Variants in SLIT2 observed in about 807,000 individuals in gnomAD.
The protein encoded by SLIT2 is slit guidance ligand 2, also known as slit homolog 2 protein.
SLIT2 carries 41 observed loss-of-function variants against 185.7 expected under a neutral mutation model. The observed-to-expected ratio is 0.22, with a 90% CI of 0.17 to 0.29. SLIT2 has a LOEUF of 0.29. SLIT2 is among the 10% of genes least tolerant of loss of function. The probability of loss-of-function intolerance (pLI) is 1.00; values close to 1 mark genes in which losing one functional copy is unlikely to be tolerated. For missense variants in SLIT2, 1,571 were observed against 1,909.0 expected (o/e 0.82, Z 3.30); for synonymous variants, 693 against 680.2 (o/e 1.02, Z -0.29).
chr4:20,424,719 G>C lies in SLIT2; in HGVS notation c.396-43033G>C, dbSNP rs563152489. ...GGGCATTTGTATATTTTTATAAACA[G>C]TCACAGAAGCATTTGTTAACATTCT... On this transcript the variant is annotated intron_variant, in intron 4 of 36. Transcript: ENST00000504154. 5.9e-5 allele frequency among the ~76,000 whole-genome samples: 9 copies of C among 152,198 alleles called. 1 individual carries two copies. The East Asian group carries it at 1.7e-3, about 29-fold the overall frequency.
At chr4:20,298,633 T>C (rs1716733765) in intron 4 of SLIT2, among the ~76,000 whole-genome samples, 2 of 152,176 alleles carry the variant, frequency 1.3e-5, no homozygotes, top group African/African-American at 2.4e-5. Context: ...TCTGGACTTG[T>C]TGATAAAGCT....
intron 3 of SLIT2, 137 bp from the exon 4 acceptor site, chr4:20,268,673 T>G (rs1713287653): frequency 1.5e-6 from 1 of 673,354 alleles, no homozygotes; most frequent in Non-Finnish European, 2.7e-6. Flanking sequence ...CAACTTTTGA[T>G]TTGCAATGCT....
intron 4 of SLIT2, among the ~76,000 whole-genome samples, chr4:20,340,643 C>T (rs921947476): frequency 7.2e-5 from 11 of 152,072 alleles, no homozygotes; most frequent in Non-Finnish European, 5.9e-5. Context: ...CTCTGTCCCC[C>T]GGGCTGGAGT....
intron 26 of SLIT2, among the ~76,000 whole-genome samples, chr4:20,564,523 C>A (rs1281279851): frequency 6.6e-6 from 1 of 151,834 alleles, no homozygotes; most frequent in African/African-American, 2.4e-5. Context: ...TTTTGTATTA[C>A]CCTTCACTCA....
intron 18 of SLIT2, 105 bp downstream of exon 18, chr4:20,533,820 C>A: frequency 1.1e-6 from 1 of 880,860 alleles, no homozygotes; most frequent in Non-Finnish European, 1.8e-6. Flanking sequence ...CACCCCACTC[C>A]CTCTATCTCT....
chr4:20,381,315 A>G (rs1236754041), intron 4 of SLIT2, among the ~76,000 whole-genome samples: 1 of 152,122 alleles, frequency 6.6e-6, no homozygotes, highest in Admixed American at 6.6e-5. Context: ...TTTTAAAAGC[A>G]GGCAGAGAAA....
chr4:20,385,257 T>G (rs73238771), intron 4 of SLIT2, among the ~76,000 whole-genome samples: 31,509 of 152,156 alleles, frequency 0.21, 3,625 homozygotes, highest in Non-Finnish European at 0.27. Flanking sequence ...TACTAGCATT[T>G]TATAATCTAC....
Position 20,455,698 on chromosome 4 carries a change from A to G in SLIT2, c.396-12054A>G, listed in dbSNP as rs115752031. Among the ~76,000 whole-genome samples the G allele has an allele frequency of 4.0e-3, 607 of 152,226 alleles. 8 individuals are homozygous for G. The highest frequency in any genetic ancestry group is 0.013 in the African/African-American group (556 of 41,568). On this transcript the variant is annotated intron_variant, in intron 4 of 36. Transcript: ENST00000504154. The stretch of plus-strand genomic sequence containing the variant: ...ACACAGCTTTTTTGGGGGGGTAATG[A>G]AAATGTCCTGAGATTATGGTGATGG...
intron 4 of SLIT2, among the ~76,000 whole-genome samples, chr4:20,318,922 G>A (rs901620989): frequency 6.6e-6 from 1 of 152,096 alleles, no homozygotes; most frequent in Non-Finnish European, 1.5e-5. Context: ...TATGGTGGAC[G>A]ACTAAGTTAA....
At chr4:20,449,822 A>G (rs1712269309) in intron 4 of SLIT2, among the ~76,000 whole-genome samples, 1 of 152,232 alleles carries the variant, frequency 6.6e-6, no homozygotes, top group African/African-American at 2.4e-5. Context: ...TTTATGGGGA[A>G]AACTCAAGAG....
At chr4:20,263,034 G>A (rs1218133933) in intron 3 of SLIT2, among the ~76,000 whole-genome samples, 1 of 151,704 alleles carries the variant, frequency 6.6e-6, no homozygotes, top group Non-Finnish European at 1.5e-5. Context: ...TACCTCCCCT[G>A]AAATGAGTAG....
chr4:20,541,441 T>C lies in SLIT2; in HGVS notation c.1977-12T>C. On this transcript the variant is annotated splice_polypyrimidine_tract_variant and intron_variant, in intron 19 of 36. Transcript: ENST00000504154. ...CAGGCTAAACTGTGCATCGTTTGCC[T>C]GTGGCTCTTAGAAACCTCTTGGCCA... 6.2e-7 allele frequency: 1 copy of C among 1,613,388 alleles called. No individual in the cohort carries two copies. Among genetic ancestry groups the C allele is most frequent in the Admixed American group, 1.7e-5 (1 of 60,000 alleles).
chr4:20,476,152 CAT>C (rs1374043246), intron 5 of SLIT2, among the ~76,000 whole-genome samples: 2 of 152,030 alleles, frequency 1.3e-5, no homozygotes, highest in Non-Finnish European at 2.9e-5. Flanking sequence ...TACTCTATAT[CAT>C]AATTTATATC....
intron 21 of SLIT2, among the ~76,000 whole-genome samples, chr4:20,543,733 T>G (rs892107975): frequency 6.6e-6 from 1 of 152,152 alleles, no homozygotes; most frequent in Non-Finnish European, 1.5e-5. Flanking sequence ...AATAGAACAC[T>G]TAGAGGAAAA....
intron 22 of SLIT2, among the ~76,000 whole-genome samples, chr4:20,547,815 A>G (rs1044396948): frequency 2.6e-5 from 4 of 151,908 alleles, no homozygotes; most frequent in Non-Finnish European, 5.9e-5. Flanking sequence ...CATAGTACAA[A>G]CTATACATAT....
At chr4:20,320,166 A>G (rs1359065363) in intron 4 of SLIT2, among the ~76,000 whole-genome samples, 1 of 152,222 alleles carries the variant, frequency 6.6e-6, no homozygotes, top group Non-Finnish European at 1.5e-5. Context: ...ATGAAGAAGA[A>G]TCTATAAGTT....
At chr4:20,362,995 C>T (rs908639861) in intron 4 of SLIT2, among the ~76,000 whole-genome samples, 1 of 151,812 alleles carries the variant, frequency 6.6e-6, no homozygotes, top group Non-Finnish European at 1.5e-5. Flanking sequence ...AGGTTCAGTA[C>T]ACCTTCTGAG....
chr4:20,331,011 G>A (rs71653875), intron 4 of SLIT2, among the ~76,000 whole-genome samples: 1 of 152,016 alleles, frequency 6.6e-6, no homozygotes. Context: ...CAAATATTCC[G>A]TAGACAACTA....
At chr4:20,409,770 G>C (rs1004456619) in intron 4 of SLIT2, among the ~76,000 whole-genome samples, 2 of 152,054 alleles carry the variant, frequency 1.3e-5, no homozygotes. Flanking sequence ...ATTCTTACTG[G>C]TGTGAGATGA....
Sources: gnomAD v4.1 joint callset for allele counts (sites outside exome capture counted in the v4.1 genomes callset) on GRCh38, gnomAD v4.1.1 for gene constraint, MANE v1.5 for transcripts, NCBI Gene and HGNC (gene_info 2026-07-23, HGNC 2026-07-21) for gene names.